Variants in PRKCA observed in about 807,000 individuals in gnomAD.
PRKCA encodes the protein protein kinase C alpha.
Under a neutral mutation model 87.0 loss-of-function variants are expected in PRKCA, and 27 were observed. The ratio of observed to expected loss-of-function variants is 0.31; its 90% CI spans 0.23 to 0.43. The LOEUF (loss-of-function observed/expected upper bound fraction) is 0.43. PRKCA is among the 20% of genes least tolerant of loss of function. PRKCA has a pLI of 1.00. For missense variants in PRKCA, 518 were observed against 852.3 expected (o/e 0.61, Z 4.88); for synonymous variants, 329 against 311.1 (o/e 1.06, Z -0.61).
intron 5 of PRKCA, among the ~76,000 whole-genome samples, chr17:66,675,996 C>T (rs987738241): frequency 5.3e-5 from 8 of 152,154 alleles, no homozygotes; most frequent in Non-Finnish European, 1.0e-4. Context: ...CGGAACATCA[C>T]GTGGGAAGGG....
At chr17:66,394,719 T>G (rs1047248935) in intron 2 of PRKCA, among the ~76,000 whole-genome samples, 8 of 152,204 alleles carry the variant, frequency 5.3e-5, no homozygotes, top group Non-Finnish European at 1.2e-4. Context: ...TGGAGGTAGT[T>G]GAATCACTGG....
At chr17:66,777,072 G>T in intron 14 of PRKCA, 2 of 252,692 alleles carry the variant, frequency 7.9e-6, no homozygotes, top group Non-Finnish European at 1.3e-5. Flanking sequence ...GCCTTTCCTT[G>T]GTGCTGGCTG....
intron 3 of PRKCA, among the ~76,000 whole-genome samples, chr17:66,557,979 G>T (rs1175064801): frequency 6.6e-6 from 1 of 152,224 alleles, no homozygotes; most frequent in East Asian, 1.9e-4. Flanking sequence ...GCCAGCAAAT[G>T]TACTCGTTTG....
At position 66,535,513 on chromosome 17, in the gene PRKCA, CT is replaced by C. The variant is rs538738888; in HGVS notation, c.288+39231del. On this transcript the variant is annotated intron_variant, in intron 3 of 16. Transcript: ENST00000413366. ...CCCCTGCTGCCAAACAGGCCTCTAA[CT>C]GATGGGGTGGGTGTCCCCATCAGCT... is the stretch of plus-strand genomic sequence containing the variant. 1.3e-3 allele frequency among the ~76,000 whole-genome samples: 201 copies of C among 152,310 alleles called. 2 individuals are homozygous for C. The highest frequency in any genetic ancestry group is 1.7e-3 in the South Asian group (8 of 4,822).
chr17:66,440,039 TG>T, intron 2 of PRKCA, among the ~76,000 whole-genome samples: 1 of 152,326 alleles, frequency 6.6e-6, no homozygotes, highest in Middle Eastern at 3.4e-3. Flanking sequence ...ATAAGGGTCT[TG>T]GGGTTTTCCC....
At chr17:66,709,585 A>G (rs1376896623) in intron 8 of PRKCA, among the ~76,000 whole-genome samples, 1 of 151,988 alleles carries the variant, frequency 6.6e-6, no homozygotes, top group Non-Finnish European at 1.5e-5. Flanking sequence ...CTGGGATTAC[A>G]GGCATGAGCC....
intron 3 of PRKCA, among the ~76,000 whole-genome samples, chr17:66,500,781 T>C (rs1916690838): frequency 6.6e-6 from 1 of 152,206 alleles, no homozygotes; most frequent in Admixed American, 6.5e-5. Context: ...TTTACCATCT[T>C]GAGAATTAAC....
intron 3 of PRKCA, among the ~76,000 whole-genome samples, chr17:66,518,167 G>T (rs114201184): frequency 6.6e-6 from 1 of 152,128 alleles, no homozygotes; most frequent in Non-Finnish European, 1.5e-5. Context: ...AATATTAGGC[G>T]AGGAGAAGGC....
chr17:66,796,084 G>A (rs1034201532), intron 16 of PRKCA, among the ~76,000 whole-genome samples: 5 of 152,188 alleles, frequency 3.3e-5, no homozygotes, highest in Non-Finnish European at 7.3e-5. Context: ...GGAGGTGAAA[G>A]GGGTCCCAAT....
At chr17:66,742,824 G>A in intron 13 of PRKCA, 64 bp downstream of exon 13, 3 of 1,553,706 alleles carry the variant, frequency 1.9e-6, no homozygotes, top group Non-Finnish European at 2.6e-6. Context: ...GCCCTCTCAT[G>A]GGTTATAGGG....
chr17:66,344,926 T>C (rs879710679), intron 2 of PRKCA, among the ~76,000 whole-genome samples: 1 of 152,180 alleles, frequency 6.6e-6, no homozygotes, highest in Non-Finnish European at 1.5e-5. Context: ...CCGCCACACC[T>C]CATGCCTGTA....
chr17:66,560,395 C>T (rs1312722170), intron 3 of PRKCA, among the ~76,000 whole-genome samples: 2 of 152,160 alleles, frequency 1.3e-5, no homozygotes, highest in African/African-American at 4.8e-5. Context: ...GTAAGTATTG[C>T]TGGTCAGGAA....
rs1451463564 is a variant in PRKCA, at chr17:66,777,837, A to G, written c.1605+3770A>G. On this transcript the variant is annotated intron_variant, in intron 14 of 16. Coordinates refer to ENST00000413366, the MANE Select transcript of PRKCA (RefSeq NM_002737.3). ...AGTAGACTCTTGGCCAGCAGGAGAC[A>G]AGAATTTCAGAACCCAGGTCTGCAG... 6.1e-6 allele frequency: 6 copies of G among 985,278 alleles called. No individual in the cohort carries two copies. In the African/African-American group the frequency reaches 1.0e-4, roughly 17 times the overall value. 61.0% of individuals were successfully genotyped at this position (985,278 alleles called of 1,614,324 possible). A position where few individuals can be genotyped will look rare whatever the true frequency, so the allele number is the denominator to read the frequency against.
At chr17:66,564,022 C>G (rs1968808444) in intron 3 of PRKCA, among the ~76,000 whole-genome samples, 1 of 133,382 alleles carries the variant, frequency 7.5e-6, no homozygotes, top group Non-Finnish European at 1.8e-5. Flanking sequence ...TTCTCTCTCT[C>G]TTTCTTTCTT....
chr17:66,496,641 T>TCCCCA (rs958978002), intron 3 of PRKCA, among the ~76,000 whole-genome samples: 1 of 104,794 alleles, frequency 9.5e-6, no homozygotes, highest in African/African-American at 3.6e-5. Flanking sequence ...TCCCCTCCCC[T>TCCCCA]CCCCACCCCT....
intron 3 of PRKCA, among the ~76,000 whole-genome samples, chr17:66,612,173 G>A (rs1255133169): frequency 4.6e-5 from 7 of 151,778 alleles, no homozygotes; most frequent in Non-Finnish European, 1.0e-4. Context: ...CTGAGGTCAA[G>A]AGTTTGAAAC....
At chr17:66,522,434 G>A (rs749801417) in intron 3 of PRKCA, among the ~76,000 whole-genome samples, 6 of 152,186 alleles carry the variant, frequency 3.9e-5, no homozygotes, top group Non-Finnish European at 8.8e-5. Context: ...GGAGAGAATA[G>A]GCAGGGGGAA....
At position 66,687,189 on chromosome 17, in the gene PRKCA, A is replaced by T. The variant is rs776558609; in HGVS notation, c.608A>T (p.Asp203Val). ...DPYVKLKLIP[D>V]PKNESKQKTK... ...TATGTGAAGCTGAAACTTATTCCTG[A>T]TCCCAAGAATGAAAGCAAGCAAAAA... Residue 203 changes from aspartate to valine, a missense_variant, in exon 6 of 17, where the codon GAT becomes GTT. Physicochemically the swap from Asp to Val is radical, Grantham distance 152. Around this residue, in one of 5 missense-constraint regions of PRKCA, gnomAD observed 300 missense variants for 496.8 expected, o/e 0.60. Coordinates refer to ENST00000413366, the MANE Select transcript of PRKCA (RefSeq NM_002737.3). 6.2e-7 allele frequency: 1 copy of T among 1,613,956 alleles called. No homozygotes were observed. Among genetic ancestry groups the T allele is most frequent in the Non-Finnish European group, 8.5e-7 (1 of 1,179,880 alleles).
intron 2 of PRKCA, among the ~76,000 whole-genome samples, chr17:66,373,303 T>TC (rs140947070): frequency 0.014 from 2,075 of 152,282 alleles, 54 homozygotes; most frequent in African/African-American, 0.048. Flanking sequence ...CATTTAATCC[T>TC]CCCGTAAACC....
Sources: allele counts gnomAD v4.1 joint callset (sites outside exome capture counted in the v4.1 genomes callset), GRCh38; gene constraint gnomAD v4.1.1; regional missense constraint gnomAD v4.1.1; transcripts MANE v1.5; gene names NCBI Gene and HGNC (gene_info 2026-07-23, HGNC 2026-07-21).